The following CREBBP variants were observed in gnomAD, a reference collection of about 807,000 sequenced individuals.
The protein encoded by CREBBP is CREB binding lysine acetyltransferase, also known as CREB-binding protein.
A neutral mutation model predicts 265.0 loss-of-function variants in CREBBP; 19 were observed. The observed-to-expected ratio is 0.07, with a 90% CI of 0.05 to 0.11. CREBBP has a LOEUF of 0.11. Among genes scored for constraint, CREBBP ranks in the 10% least tolerant of loss-of-function variants. The pLI, the probability that CREBBP is intolerant of heterozygous loss-of-function variation, is 1.00. For synonymous variants in CREBBP, 1,457 were observed against 1,223.7 expected (o/e 1.19, Z -3.98); for missense variants, 2,525 against 3,219.0 (o/e 0.78, Z 5.22).
At chr16:3,835,927 A>G (rs2054439623) in intron 2 of CREBBP, among the ~76,000 whole-genome samples, 1 of 152,060 alleles carries the variant, frequency 6.6e-6, no homozygotes, top group African/African-American at 2.4e-5. Flanking sequence ...CCCAATGTCC[A>G]TTAATGGGAG....
intron 2 of CREBBP, among the ~76,000 whole-genome samples, chr16:3,828,098 GTTTT>G (rs2054273870): frequency 2.0e-5 from 3 of 149,674 alleles, no homozygotes; most frequent in Non-Finnish European, 4.5e-5. Context: ...TTTTTTTTTT[GTTTT>G]GTTTTTGAGA....
rs866434422 is a variant in CREBBP, at chr16:3,839,630, C to T, written c.798+10667G>A. Among the ~76,000 whole-genome samples, 135 of 146,354 alleles carry T rather than the reference C, an allele frequency of 9.2e-4. 1 individual carries two copies. Among genetic ancestry groups the T allele is most frequent in the African/African-American group, 3.2e-3 (127 of 39,632 alleles). On this transcript the variant is annotated intron_variant, in intron 2 of 30. Coordinates refer to ENST00000262367, the MANE Select transcript of CREBBP (RefSeq NM_004380.3). ...CCAAGAGGCAGAGGTTGCAGTGAGC[C>T]GAGATCACGCCATTGCACTCCCACC... is the stretch of plus-strand genomic sequence containing the variant.
intron 25 of CREBBP, chr16:3,739,363 C>T (rs535612891): frequency 9.8e-6 from 6 of 610,840 alleles, no homozygotes; most frequent in Admixed American, 2.9e-5. Flanking sequence ...CACACAGACT[C>T]GCCACACAAA....
chr16:3,865,365 C>G (rs2055156708), intron 1 of CREBBP, among the ~76,000 whole-genome samples: 1 of 152,208 alleles, frequency 6.6e-6, no homozygotes, highest in Non-Finnish European at 1.5e-5. Flanking sequence ...GCACAGGTCA[C>G]ATAATGGAAT....
chr16:3,781,121 C>T, intron 7 of CREBBP, 83 bp downstream of exon 7: 1 of 1,339,658 alleles, frequency 7.5e-7, no homozygotes, highest in East Asian at 2.3e-5. Flanking sequence ...TTCTCTGCCA[C>T]ACATTTAGAA....
chr16:3,768,712 A>G (rs551441080), intron 15 of CREBBP, among the ~76,000 whole-genome samples: 27 of 152,284 alleles, frequency 1.8e-4, no homozygotes, highest in African/African-American at 6.5e-4. Context: ...TCATTTTTCA[A>G]GAAAAGCCAG....
chr16:3,784,764 C>T (rs2053348789), intron 5 of CREBBP, among the ~76,000 whole-genome samples: 1 of 152,178 alleles, frequency 6.6e-6, no homozygotes, highest in African/African-American at 2.4e-5. Context: ...CAAGTGCCAT[C>T]TACTTAACTA....
chr16:3,788,596 C>T (rs1567314129), intron 5 of CREBBP, among the ~76,000 whole-genome samples: 1 of 152,146 alleles, frequency 6.6e-6, no homozygotes, highest in Non-Finnish European at 1.5e-5. Context: ...TTGAATATTG[C>T]TATAAGGGAT....
intron 1 of CREBBP, among the ~76,000 whole-genome samples, chr16:3,858,667 T>C (rs143593577): frequency 6.6e-6 from 1 of 152,366 alleles, no homozygotes; most frequent in African/African-American, 2.4e-5. Flanking sequence ...TAGTCAAAGA[T>C]ATAAAGCAGT....
rs771126017 is a variant in CREBBP at position 3,810,627 on chromosome 16, A to C, written c.951T>G (p.Thr317=). Residue 317 remains threonine, a synonymous_variant, in exon 3 of 31, where the codon ACT becomes ACG. Coordinates refer to ENST00000262367, the MANE Select transcript of CREBBP (RefSeq NM_004380.3). ...LPTFPTDIKN[T]SVTNVPNMSQ... ...CCATATTTGGCACGTTGGTGACTGA[A>C]GTATTCTTGATATCTGTAGGGAAGG... 1.4e-5 allele frequency: 22 copies of C among 1,613,708 alleles called. No homozygotes were observed. The highest frequency in any genetic ancestry group is 1.7e-5 in the Non-Finnish European group (20 of 1,180,004).
In CREBBP at chr16:3,830,842, C is replaced by T. The variant is rs192930904; in HGVS notation, c.798+19455G>A. Among the ~76,000 whole-genome samples, 414 of 152,244 alleles carry T rather than the reference C, an allele frequency of 2.7e-3. 3 individuals carry two copies. Among genetic ancestry groups the T allele is most frequent in the African/African-American group, 9.4e-3 (391 of 41,542 alleles). Reference sequence around the variant, plus strand: ...CCGTACCCAGGCTGAAGTGCAGTGGCGCGATCTCAGCTCACTGTAACCTCT... The same window carrying T: ...CCGTACCCAGGCTGAAGTGCAGTGGTGCGATCTCAGCTCACTGTAACCTCT... On this transcript the variant is annotated intron_variant, in intron 2 of 30. Coordinates refer to ENST00000262367, the MANE Select transcript of CREBBP (RefSeq NM_004380.3).
intron 2 of CREBBP, among the ~76,000 whole-genome samples, chr16:3,840,296 G>A (rs1027752165): frequency 1.3e-5 from 2 of 152,264 alleles, no homozygotes; most frequent in South Asian, 4.1e-4. Context: ...TTTCACACTT[G>A]TAATCCCAGC....
At position 3,757,309 on chromosome 16, in the gene CREBBP, G is replaced by A. The variant is rs2151381798; in HGVS notation, c.3677C>T (p.Ala1226Val). The change falls in exon 19 of 31, where the codon GCC becomes GTC. Residue 1226 changes from alanine (A) to valine (V), a missense_variant. Coordinates refer to ENST00000262367, the MANE Select transcript of CREBBP (RefSeq NM_004380.3). ...KQLCTIPRDA[A>V]YYSYQNRYHF... ...TTACCTATTCTGATAGCTGTAGTAG[G>A]CAGCATCGCGAGGAATGGTACACAG... The A allele has an allele frequency of 6.2e-7, 1 of 1,613,260 alleles. No homozygotes were observed. The highest frequency in any genetic ancestry group is 8.5e-7 in the Non-Finnish European group (1 of 1,179,640).
At chr16:3,780,483 G>C (rs1305802321) in intron 8 of CREBBP, among the ~76,000 whole-genome samples, 1 of 152,118 alleles carries the variant, frequency 6.6e-6, no homozygotes, top group Admixed American at 6.6e-5. Context: ...TCGGTGATAG[G>C]GGCTGCAAGT....
At chr16:3,793,716 G>C in intron 3 of CREBBP, 90 bp from the exon 4 acceptor site, 1 of 1,452,500 alleles carries the variant, frequency 6.9e-7, no homozygotes, top group Non-Finnish European at 9.4e-7. Context: ...AGCAAAAGCT[G>C]ATGGATAATA....
intron 25 of CREBBP, chr16:3,739,345 G>C (rs2052145804): frequency 3.5e-6 from 2 of 568,276 alleles, no homozygotes; most frequent in African/African-American, 3.8e-5. Flanking sequence ...TTAGGTAAGA[G>C]CGGGTCCCAC....
At position 3,880,488 on chromosome 16, in the gene CREBBP, C is replaced by CGCCGCCGCCGCCGCT. The variant is rs1252466930; in HGVS notation, c.-587_-573dup. The CGCCGCCGCCGCCGCT allele has an allele frequency of 3.4e-5, 5 of 145,216 alleles. No homozygotes were observed. Among genetic ancestry groups the CGCCGCCGCCGCCGCT allele is most frequent in the African/African-American group, 7.5e-5 (3 of 40,066 alleles). The allele number at this position is 145,216 out of a possible 1,614,324, so 9.0% of individuals were successfully genotyped here. On this transcript the variant is annotated 5_prime_UTR_variant, in exon 1 of 31. Coordinates refer to ENST00000262367, the MANE Select transcript of CREBBP (RefSeq NM_004380.3). ...GCGGCCCCCCCACCCCCCGTTCCGC[C>CGCCGCCGCCGCCGCT]GCCGCCGCCGCCGCTGCCGCCGCCG... is the stretch of plus-strand genomic sequence containing the variant.
intron 28 of CREBBP, among the ~76,000 whole-genome samples, chr16:3,733,438 G>T (rs983937004): frequency 6.6e-6 from 1 of 151,930 alleles, no homozygotes; most frequent in Non-Finnish European, 1.5e-5. Context: ...TCCTCCGCAG[G>T]ATTCAGAGAC....
At chr16:3,846,919 A>G (rs1168313430) in intron 2 of CREBBP, among the ~76,000 whole-genome samples, 2 of 152,198 alleles carry the variant, frequency 1.3e-5, no homozygotes, top group Non-Finnish European at 2.9e-5. Context: ...GAGTATTTTT[A>G]TGGTTGTTTG....
Sources: allele counts gnomAD v4.1 joint callset (sites outside exome capture counted in the v4.1 genomes callset), GRCh38; gene constraint gnomAD v4.1.1; transcripts MANE v1.5; gene names NCBI Gene and HGNC (gene_info 2026-07-23, HGNC 2026-07-21).